MACROD1: variants seen among roughly 807,000 people sequenced by gnomAD.
MACROD1 encodes the protein mono-ADP ribosylhydrolase 1.
In MACROD1, 31 loss-of-function variants were observed where a neutral mutation model predicts 41.4. The ratio of observed to expected loss-of-function variants is 0.75; its 90% CI spans 0.56 to 1.01. MACROD1 has a LOEUF of 1.01. Ranked by LOEUF, MACROD1 falls within the 50% of genes least tolerant of loss-of-function variation. MACROD1 has a pLI of 0.00. For synonymous variants in MACROD1, 252 were observed against 203.4 expected, an observed-to-expected ratio of 1.24 and a Z score of -2.03; for missense variants, 473 against 460.0, an observed-to-expected ratio of 1.03 and a Z score of -0.26.
intron 3 of MACROD1, among the ~76,000 whole-genome samples, chr11:64,044,399 G>A (rs1035259436): frequency 6.6e-6 from 1 of 151,918 alleles, no homozygotes; most frequent in Non-Finnish European, 1.5e-5. Context: ...CTACAGGCAC[G>A]CACCAACACA....
At chr11:64,121,912 AGATGTAGT>A (rs1312086357) in intron 3 of MACROD1, among the ~76,000 whole-genome samples, 1 of 151,940 alleles carries the variant, frequency 6.6e-6, no homozygotes, top group African/African-American at 2.4e-5. Context: ...CGTGGTAATT[AGATGTAGT>A]GATTGGAATC....
At chr11:64,044,765 C>T (rs320139) in intron 3 of MACROD1, among the ~76,000 whole-genome samples, 1,765 of 152,210 alleles carry the variant, frequency 0.012, 29 homozygotes, top group African/African-American at 0.039. Context: ...ATCTGTCATG[C>T]TCCCCCCTCA....
At chr11:64,017,118 C>T (rs561730419) in intron 3 of MACROD1, among the ~76,000 whole-genome samples, 5 of 152,208 alleles carry the variant, frequency 3.3e-5, no homozygotes, top group South Asian at 4.2e-4. Flanking sequence ...TACAGGCATG[C>T]GCCACCACAC....
rs907497263 is a variant in MACROD1, at chr11:64,084,506, C to T, written c.517+66733G>A. ...GGGAGGACAGTGAGCCTTGGGGTCA[C>T]GGGGCCTGGGCTTGGGTCATCGCTG... On this transcript the variant is annotated intron_variant, in intron 3 of 10. Transcript: ENST00000255681. 1.7e-4 allele frequency among the ~76,000 whole-genome samples: 26 copies of T among 152,184 alleles called. 1 individual carries two copies. The highest frequency in any genetic ancestry group is 3.5e-4 in the Non-Finnish European group (24 of 68,026).
chr11:64,013,264 C>T (rs1374688349), intron 4 of MACROD1, among the ~76,000 whole-genome samples: 1 of 152,096 alleles, frequency 6.6e-6, no homozygotes, highest in Non-Finnish European at 1.5e-5. Flanking sequence ...AAAACCACAG[C>T]AGGGTGGGGG....
chr11:64,138,538 C>A, intron 3 of MACROD1: 1 of 985,466 alleles, frequency 1.0e-6, no homozygotes, highest in Non-Finnish European at 1.2e-6. Flanking sequence ...GATGTTTAAA[C>A]CGTACCTGAA....
chr11:64,019,556 C>T (rs1301809253), intron 3 of MACROD1, among the ~76,000 whole-genome samples: 2 of 152,338 alleles, frequency 1.3e-5, no homozygotes, highest in South Asian at 2.1e-4. Context: ...TGCTCAGAAA[C>T]GACAGGTCAC....
At chr11:64,094,615 G>A (rs1260351727) in intron 3 of MACROD1, among the ~76,000 whole-genome samples, 2 of 152,182 alleles carry the variant, frequency 1.3e-5, no homozygotes, top group Non-Finnish European at 2.9e-5. Flanking sequence ...AGAGCCATTG[G>A]GTCGCGTACG....
intron 3 of MACROD1, among the ~76,000 whole-genome samples, chr11:64,123,353 A>C (rs943089012): frequency 3.3e-5 from 5 of 151,886 alleles, no homozygotes; most frequent in Middle Eastern, 3.2e-3. Flanking sequence ...TTTTTTTCTT[A>C]AGGAGGGATA....
intron 4 of MACROD1, among the ~76,000 whole-genome samples, chr11:64,008,642 C>T (rs1245930130): frequency 1.3e-5 from 2 of 152,088 alleles, no homozygotes; most frequent in Non-Finnish European, 1.5e-5. Context: ...TTCTCTTGGG[C>T]GGTGTAGGAG....
intron 3 of MACROD1, among the ~76,000 whole-genome samples, chr11:64,077,379 G>C (rs1482514515): frequency 6.6e-6 from 1 of 152,176 alleles, no homozygotes; most frequent in African/African-American, 2.4e-5. Context: ...CCCTGTCACG[G>C]GGCTGCCCTG....
intron 3 of MACROD1, among the ~76,000 whole-genome samples, chr11:64,023,417 T>C (rs1943183254): frequency 6.6e-6 from 1 of 152,000 alleles, no homozygotes; most frequent in Admixed American, 6.6e-5. Context: ...TTGTGAGGCA[T>C]AGATGATAAA....
At position 63,999,267 on chromosome 11, in the gene MACROD1, A is replaced by T. The variant is rs1456870025; in HGVS notation, c.891+64T>A. ...GCTCTGCACCCTGACTCCCTGGGCG[A>T]TGATGGGGGCTGGTCACTCTGGCCG... On this transcript the variant is annotated intron_variant, in intron 8 of 10. Coordinates refer to ENST00000255681, the MANE Select transcript of MACROD1 (RefSeq NM_014067.4). 11 of 1,521,646 alleles carry T rather than the reference A, an allele frequency of 7.2e-6. No individual in the cohort carries two copies. In the Admixed American group the frequency reaches 9.8e-5, roughly 14 times the overall value. The allele number at this position is 1,521,646 out of a possible 1,614,324, so 94.3% of individuals were successfully genotyped here.
intron 3 of MACROD1, among the ~76,000 whole-genome samples, chr11:64,021,926 A>C (rs1437314534): frequency 1.4e-4 from 1 of 6,918 alleles, no homozygotes; most frequent in African/African-American, 4.6e-4. Flanking sequence ...AGGGAGTGGC[A>C]GGGGGCCGGG....
intron 1 of MACROD1, among the ~76,000 whole-genome samples, chr11:64,157,849 G>A (rs957258493): frequency 2.6e-5 from 4 of 152,174 alleles, no homozygotes; most frequent in Non-Finnish European, 5.9e-5. Flanking sequence ...AGAATGCAGC[G>A]GCATTTAGAC....
chr11:64,039,849 C>T (rs976525411), intron 3 of MACROD1, among the ~76,000 whole-genome samples: 8 of 152,158 alleles, frequency 5.3e-5, no homozygotes, highest in African/African-American at 1.9e-4. Context: ...TTTAAAATGA[C>T]AACCTGCAGA....
At chr11:64,003,560 A>G (rs1008298215) in intron 4 of MACROD1, among the ~76,000 whole-genome samples, 4 of 152,118 alleles carry the variant, frequency 2.6e-5, no homozygotes, top group Admixed American at 6.5e-5. Flanking sequence ...CCTCCTAAGT[A>G]GCTGGTATGA....
rs186167198 is a variant in MACROD1, at chr11:64,079,199, G to C, written c.518-63918C>G. ...GACGACTGTGTGTGGGATGAGGGAA[G>C]AGGGTGTGTAGGGAGCCCCACGGCC... is the stretch of plus-strand genomic sequence containing the variant. On this transcript the variant is annotated intron_variant, in intron 3 of 10. Transcript: ENST00000255681. 1.3e-4 allele frequency among the ~76,000 whole-genome samples: 20 copies of C among 152,244 alleles called. No homozygotes were observed. The East Asian group carries it at 2.7e-3, about 21-fold the overall frequency.
In MACROD1 at chr11:64,017,263, G is replaced by A. The variant is rs190785417; in HGVS notation, c.518-1982C>T. Among the ~76,000 whole-genome samples, 8 of 152,292 alleles carry A rather than the reference G, an allele frequency of 5.3e-5. No homozygotes were observed. In the East Asian group the frequency reaches 1.4e-3, roughly 26 times the overall value. ...TGGGATTACAGGTGTGAGCCACCGC[G>A]CCTGGGCATGAATGTACATTTCTGC... On this transcript the variant is annotated intron_variant, in intron 3 of 10. Transcript: ENST00000255681.
Sources: gnomAD v4.1 joint callset for allele counts (sites outside exome capture counted in the v4.1 genomes callset) on GRCh38, gnomAD v4.1.1 for gene constraint, MANE v1.5 for transcripts, NCBI Gene and HGNC (gene_info 2026-07-23, HGNC 2026-07-21) for gene names.